The following LRRC3B variants were observed in gnomAD, a reference collection of about 807,000 sequenced individuals.
LRRC3B encodes the protein leucine rich repeat containing 3B, also known as leucine-rich repeat-containing protein 3B.
A neutral mutation model predicts 12.8 loss-of-function variants in LRRC3B; 2 were observed. The observed-to-expected ratio is 0.16, with a 90% CI of 0.06 to 0.49. The LOEUF (loss-of-function observed/expected upper bound fraction) is 0.49, where lower values mean the gene tolerates loss of function less well. Among genes scored for constraint, LRRC3B ranks in the 20% least tolerant of loss-of-function variants. LRRC3B has a pLI of 0.96. For missense variants in LRRC3B, 189 were observed against 319.4 expected, an observed-to-expected ratio of 0.59 and a Z score of 3.11; for synonymous variants, 132 against 122.0, an observed-to-expected ratio of 1.08 and a Z score of -0.54.
chr3:26,707,647 G>T (rs1431250522), intron 1 of LRRC3B, among the ~76,000 whole-genome samples: 3 of 152,122 alleles, frequency 2.0e-5, no homozygotes, highest in Non-Finnish European at 2.9e-5. Flanking sequence ...GGCTGATGTG[G>T]ACTCCCTTTA....
chr3:26,682,865 CCT>C (rs1373354077), intron 1 of LRRC3B, among the ~76,000 whole-genome samples: 2 of 152,196 alleles, frequency 1.3e-5, no homozygotes, highest in Non-Finnish European at 2.9e-5. Flanking sequence ...CTCTCTATTT[CCT>C]GTTTCACTTT....
In LRRC3B at chr3:26,645,907, G is replaced by A. The variant is rs372483200; in HGVS notation, c.-161+22670G>A. On this transcript the variant is annotated intron_variant, in intron 1 of 1. Transcript: ENST00000396641. ...TTGATTCTTAATTCCCCTAGCCTTT[G>A]AGTTTGCCGTCATATCAAGGTCAAA... Among the ~76,000 whole-genome samples, 77 of 152,212 alleles carry A rather than the reference G, an allele frequency of 5.1e-4. 1 individual carries two copies. In the South Asian group the frequency reaches 0.014, roughly 28 times the overall value.
At chr3:26,633,788 A>T (rs983925790) in intron 1 of LRRC3B, among the ~76,000 whole-genome samples, 3 of 152,176 alleles carry the variant, frequency 2.0e-5, no homozygotes, top group Non-Finnish European at 2.9e-5. Context: ...GACATCTTTG[A>T]TCAGCTCTGG....
intron 1 of LRRC3B, among the ~76,000 whole-genome samples, chr3:26,706,073 G>T (rs1033277210): frequency 6.6e-6 from 1 of 152,110 alleles, no homozygotes; most frequent in African/African-American, 2.4e-5. Context: ...CAGAAGATTT[G>T]GTTTCTGGTG....
At chr3:26,648,088 T>A (rs1481378776) in intron 1 of LRRC3B, among the ~76,000 whole-genome samples, 1 of 151,940 alleles carries the variant, frequency 6.6e-6, no homozygotes, top group Non-Finnish European at 1.5e-5. Context: ...GTTTGGGGTT[T>A]TTTTTTTTCA....
chr3:26,673,096 T>C (rs1378316973), intron 1 of LRRC3B, among the ~76,000 whole-genome samples: 1 of 152,204 alleles, frequency 6.6e-6, no homozygotes, highest in Non-Finnish European at 1.5e-5. Context: ...TAGAAGTTAC[T>C]CTTAAATAAA....
chr3:26,692,851 C>T (rs1700219434), intron 1 of LRRC3B, among the ~76,000 whole-genome samples: 1 of 152,174 alleles, frequency 6.6e-6, no homozygotes, highest in African/African-American at 2.4e-5. Flanking sequence ...GGCTCCTTAG[C>T]CTATGGTCAG....
chr3:26,684,662 T>G (rs150113881), intron 1 of LRRC3B, among the ~76,000 whole-genome samples: 8 of 152,314 alleles, frequency 5.3e-5, no homozygotes, highest in African/African-American at 7.2e-5. Context: ...TTGTCCTTTT[T>G]TAATGGCATT....
chr3:26,648,142 A>G (rs981953515), intron 1 of LRRC3B, among the ~76,000 whole-genome samples: 1 of 152,080 alleles, frequency 6.6e-6, no homozygotes. Context: ...ACTATTTATA[A>G]CATTTTCAGG....
At chr3:26,707,155 C>T (rs1445530165) in intron 1 of LRRC3B, among the ~76,000 whole-genome samples, 1 of 149,680 alleles carries the variant, frequency 6.7e-6, no homozygotes, top group Non-Finnish European at 1.5e-5. Flanking sequence ...AGTTCAAGAC[C>T]AGCCTGGCCA....
chr3:26,643,367 A>G (rs1344004980), intron 1 of LRRC3B, among the ~76,000 whole-genome samples: 1 of 152,146 alleles, frequency 6.6e-6, no homozygotes, highest in East Asian at 1.9e-4. Flanking sequence ...GTACACATAT[A>G]TATGTGTCTG....
intron 1 of LRRC3B, among the ~76,000 whole-genome samples, chr3:26,647,812 C>A (rs1464510806): frequency 6.6e-6 from 1 of 152,130 alleles, no homozygotes; most frequent in Non-Finnish European, 1.5e-5. Flanking sequence ...CCATGGAGTA[C>A]ACAGAGCATG....
intron 1 of LRRC3B, among the ~76,000 whole-genome samples, chr3:26,696,867 C>T (rs1193713302): frequency 4.6e-5 from 7 of 152,106 alleles, no homozygotes; most frequent in Admixed American, 3.3e-4. Flanking sequence ...AGACATTGTC[C>T]ATTATGTTGT....
chr3:26,669,754 C>G (rs569015007), intron 1 of LRRC3B, among the ~76,000 whole-genome samples: 1 of 152,212 alleles, frequency 6.6e-6, no homozygotes, highest in South Asian at 2.1e-4. Context: ...ATATGGTTGC[C>G]GGTGAAAGAT....
rs1426210052 is a variant in LRRC3B, at chr3:26,685,631, ATATC to A, written c.-160-23878_-160-23875del. On this transcript the variant is annotated intron_variant, in intron 1 of 1. Coordinates refer to ENST00000396641, the Ensembl canonical transcript of LRRC3B. Reference sequence around the variant, plus strand: ...TGTGTGTGTGTATATATATATATATATATCTATATACCTCATTTTTAAAAACTAC... The same window carrying A: ...TGTGTGTGTGTATATATATATATATATATATACCTCATTTTTAAAAACTAC... Among the ~76,000 whole-genome samples the A allele has an allele frequency of 7.6e-3, 677 of 88,766 alleles. 20 individuals are homozygous for A. Among genetic ancestry groups the A allele is most frequent in the Middle Eastern group, 0.033 (6 of 180 alleles). 58.2% of individuals were successfully genotyped at this position (88,766 alleles called of 152,430 possible).
intron 1 of LRRC3B, among the ~76,000 whole-genome samples, chr3:26,681,325 A>G (rs887816690): frequency 6.6e-6 from 1 of 152,190 alleles, no homozygotes; most frequent in Non-Finnish European, 1.5e-5. Context: ...TTGATTTGAA[A>G]ACTAAGGCTA....
intron 1 of LRRC3B, among the ~76,000 whole-genome samples, chr3:26,657,312 C>A (rs1392795740): frequency 6.6e-6 from 1 of 152,196 alleles, no homozygotes; most frequent in African/African-American, 2.4e-5. Flanking sequence ...TGAATCACCT[C>A]CATGTTTGAA....
intron 1 of LRRC3B, among the ~76,000 whole-genome samples, chr3:26,658,640 C>G (rs971217671): frequency 6.6e-6 from 1 of 152,216 alleles, no homozygotes; most frequent in Admixed American, 6.5e-5. Flanking sequence ...GATGTGCTCT[C>G]TTTGACAAAG....
At chr3:26,645,165 A>C (rs1187270670) in intron 1 of LRRC3B, among the ~76,000 whole-genome samples, 1 of 152,188 alleles carries the variant, frequency 6.6e-6, no homozygotes, top group East Asian at 1.9e-4. Context: ...TAGTTGCAGG[A>C]AAAAATAGAC....
Sources: gnomAD v4.1 joint callset for allele counts (sites outside exome capture counted in the v4.1 genomes callset) on GRCh38, gnomAD v4.1.1 for gene constraint, MANE v1.5 for transcripts, NCBI Gene and HGNC (gene_info 2026-07-23, HGNC 2026-07-21) for gene names.